Variants in BBS9 observed in about 807,000 individuals in gnomAD.
BBS9 encodes the protein Bardet-Biedl syndrome 9.
In BBS9, 89 loss-of-function variants were observed where a neutral mutation model predicts 117.7. The ratio of observed to expected loss-of-function variants is 0.76; its 90% CI spans 0.64 to 0.90. BBS9 has a LOEUF of 0.90. Among genes scored for constraint, BBS9 ranks in the 40% least tolerant of loss-of-function variants. The pLI is 0.00. For missense variants in BBS9, 982 were observed against 1,042.2 expected (o/e 0.94, Z 0.80); for synonymous variants, 379 against 370.9 (o/e 1.02, Z -0.25).
chr7:33,293,719 T>C (rs1202492862), intron 9 of BBS9, among the ~76,000 whole-genome samples: 1 of 152,234 alleles, frequency 6.6e-6, no homozygotes, highest in East Asian at 1.9e-4. Context: ...CTCTATAGAC[T>C]ATTTATTAGA....
chr7:33,332,062 G>C lies in BBS9; in HGVS notation c.1017-4379G>C, dbSNP rs7798522. Among the ~76,000 whole-genome samples, 867 of 152,206 alleles carry C rather than the reference G, an allele frequency of 5.7e-3. 14 individuals carry two copies. The highest frequency in any genetic ancestry group is 0.02 in the African/African-American group (816 of 41,510). ...ACCCAACTTCAAATTATACTACAAG[G>C]CTGTAGTTACCCAAACAGCATGGTA... On this transcript the variant is annotated intron_variant, in intron 9 of 22. Coordinates refer to ENST00000242067, the MANE Select transcript of BBS9 (RefSeq NM_198428.3).
At chr7:33,331,843 G>A (rs1814137485) in intron 9 of BBS9, among the ~76,000 whole-genome samples, 2 of 152,090 alleles carry the variant, frequency 1.3e-5, no homozygotes, top group Non-Finnish European at 2.9e-5. Flanking sequence ...CTCAAGGATG[G>A]GAAGAATCAA....
chr7:33,605,331 A>G lies in BBS9; in HGVS notation c.*105A>G. The G allele has an allele frequency of 8.2e-7, 1 of 1,213,592 alleles. No individual in the cohort carries two copies. The highest frequency in any genetic ancestry group is 1.2e-5 in the South Asian group (1 of 82,676). The allele number at this position is 1,213,592 out of a possible 1,614,324, so 75.2% of individuals were successfully genotyped here. ...ATAGGGCTGGCGCAGGTGCTTCCTA[A>G]AGCTCACCTTCCTGGAGATGACATG... is the stretch of plus-strand genomic sequence containing the variant. On this transcript the variant is annotated 3_prime_UTR_variant, in exon 23 of 23. Coordinates refer to ENST00000242067, the MANE Select transcript of BBS9 (RefSeq NM_198428.3).
intron 9 of BBS9, among the ~76,000 whole-genome samples, chr7:33,308,931 A>G (rs773364086): frequency 3.1e-4 from 47 of 152,206 alleles, no homozygotes; most frequent in Non-Finnish European, 5.4e-4. Context: ...ATCAATTGGT[A>G]TAGATTGTAT....
chr7:33,199,783 G>A (rs1785540569), intron 5 of BBS9, among the ~76,000 whole-genome samples: 1 of 151,698 alleles, frequency 6.6e-6, no homozygotes, highest in East Asian at 1.9e-4. Flanking sequence ...TAGGCAACGA[G>A]ATCTTAGAAG....
intron 20 of BBS9, among the ~76,000 whole-genome samples, chr7:33,517,765 G>A (rs371495677): frequency 3.4e-4 from 51 of 152,106 alleles, no homozygotes; most frequent in African/African-American, 1.2e-3. Flanking sequence ...CACACTAAGG[G>A]GCCTAACAAA....
chr7:33,340,024 G>T (rs949097784), intron 10 of BBS9, among the ~76,000 whole-genome samples: 2 of 151,288 alleles, frequency 1.3e-5, no homozygotes, highest in African/African-American at 4.8e-5. Flanking sequence ...TTTTGTTTAA[G>T]ATCTTTGTTG....
rs954582910 is a variant in BBS9 at position 33,631,218 on chromosome 7, C to T, written c.2522-3959C>T. 5.3e-5 allele frequency among the ~76,000 whole-genome samples: 8 copies of T among 152,258 alleles called. 1 individual carries two copies. The highest frequency in any genetic ancestry group is 6.8e-3 in the Middle Eastern group (2 of 294). ...GTCCACAGAGAGGAGAGAAGCATGG[C>T]GAACTGCACCGTTCCAGGGAGACCC... On this transcript the variant is annotated intron_variant, in intron 21 of 21. Transcript: ENST00000671952.
intron 16 of BBS9, among the ~76,000 whole-genome samples, chr7:33,365,156 C>G (rs1305058530): frequency 6.6e-6 from 1 of 151,494 alleles, no homozygotes; most frequent in African/African-American, 2.4e-5. Context: ...TCTTTGTTAA[C>G]CTGTAGATGT....
chr7:33,336,637 G>T lies in BBS9; in HGVS notation c.1198+15G>T. 2 of 1,550,404 alleles carry T rather than the reference G, an allele frequency of 1.3e-6. No homozygotes were observed. Among genetic ancestry groups the T allele is most frequent in the Non-Finnish European group, 1.8e-6 (2 of 1,128,148 alleles). ...CAAATCACAAGGTATCTCATTTGCA[G>T]CTTTTTATTATTTTAGTATTCATTA... On this transcript the variant is annotated intron_variant, in intron 10 of 22. Coordinates refer to ENST00000242067, the MANE Select transcript of BBS9 (RefSeq NM_198428.3).
chr7:33,416,890 G>A (rs1051167431), intron 19 of BBS9, among the ~76,000 whole-genome samples: 4 of 152,062 alleles, frequency 2.6e-5, no homozygotes, highest in Admixed American at 6.6e-5. Context: ...AAAAGCACAG[G>A]GACATTTGCT....
At chr7:33,245,367 A>G (rs1308925292) in intron 5 of BBS9, among the ~76,000 whole-genome samples, 3 of 152,078 alleles carry the variant, frequency 2.0e-5, no homozygotes, top group Non-Finnish European at 4.4e-5. Context: ...TAGGCATACA[A>G]TGAGTACTTA....
At position 33,513,582 on chromosome 7, in the gene BBS9, C is replaced by G. The variant is rs188300521; in HGVS notation, c.2298+7937C>G. On this transcript the variant is annotated intron_variant, in intron 20 of 22. Coordinates refer to ENST00000242067, the MANE Select transcript of BBS9 (RefSeq NM_198428.3). ...AAAAGGAAGTATACTACCTCTGTTT[C>G]CACACCCCTCCCCTTTTTCTAAGAT... Among the ~76,000 whole-genome samples the G allele has an allele frequency of 3.2e-3, 481 of 152,210 alleles. 3 individuals are homozygous for G. The highest frequency in any genetic ancestry group is 0.011 in the African/African-American group (469 of 41,540).
intron 18 of BBS9, among the ~76,000 whole-genome samples, chr7:33,385,495 G>A (rs1320749944): frequency 2.6e-5 from 4 of 152,178 alleles, no homozygotes; most frequent in Admixed American, 2.6e-4. Context: ...CTGGACCAGG[G>A]TTTGGCTCTG....
intron 22 of BBS9, 70 bp downstream of exon 22, chr7:33,605,045 C>T (rs1402187455): frequency 6.7e-7 from 1 of 1,491,548 alleles, no homozygotes; most frequent in Admixed American, 1.7e-5. Flanking sequence ...CAGTTTTTGT[C>T]ATACCAGAGA....
intron 19 of BBS9, among the ~76,000 whole-genome samples, chr7:33,432,493 T>C (rs1834662997): frequency 6.6e-6 from 1 of 152,156 alleles, no homozygotes; most frequent in South Asian, 2.1e-4. Flanking sequence ...CTTCTGTTTC[T>C]TTTATGACAA....
chr7:33,592,431 G>A (rs1374752188), intron 21 of BBS9, among the ~76,000 whole-genome samples: 2 of 152,062 alleles, frequency 1.3e-5, no homozygotes, highest in Non-Finnish European at 2.9e-5. Flanking sequence ...CCCTTTCTAT[G>A]ATCAATGGTT....
At chr7:33,543,801 T>C (rs1247014281) in intron 21 of BBS9, among the ~76,000 whole-genome samples, 6 of 152,170 alleles carry the variant, frequency 3.9e-5, no homozygotes, top group African/African-American at 1.4e-4. Context: ...TTTCCAGGCT[T>C]TTAGAATTCT....
chr7:33,500,479 G>A (rs1256360175), intron 19 of BBS9, among the ~76,000 whole-genome samples: 1 of 152,226 alleles, frequency 6.6e-6, no homozygotes, highest in Non-Finnish European at 1.5e-5. Context: ...ATGCCTGTAA[G>A]CTTCTGTTTC....
Sources: gnomAD v4.1 joint callset for allele counts (sites outside exome capture counted in the v4.1 genomes callset) on GRCh38, gnomAD v4.1.1 for gene constraint, MANE v1.5 for transcripts, NCBI Gene and HGNC (gene_info 2026-07-23, HGNC 2026-07-21) for gene names.